VAC14: variants seen among roughly 807,000 people sequenced by gnomAD.
VAC14 encodes VAC14 component of PIKFYVE complex.
VAC14 carries 47 observed loss-of-function variants against 85.3 expected under a neutral mutation model. The observed-to-expected ratio is 0.55, with a 90% CI of 0.44 to 0.70. The LOEUF (loss-of-function observed/expected upper bound fraction) is 0.70. Among genes scored for constraint, VAC14 ranks in the 30% least tolerant of loss-of-function variants. The pLI is 0.00. For synonymous variants in VAC14, 447 were observed against 430.5 expected (o/e 1.04, Z -0.47); for missense variants, 861 against 1,004.3 (o/e 0.86, Z 1.93).
intron 14 of VAC14, among the ~76,000 whole-genome samples, chr16:70,704,904 A>C (rs960623350): frequency 1.3e-5 from 2 of 152,206 alleles, no homozygotes; most frequent in Admixed American, 6.5e-5. Flanking sequence ...GGACTCTGCC[A>C]TGTGGCTTCA....
At chr16:70,729,939 T>C (rs1226545041) in intron 14 of VAC14, among the ~76,000 whole-genome samples, 2 of 151,998 alleles carry the variant, frequency 1.3e-5, no homozygotes, top group Non-Finnish European at 2.9e-5. Context: ...TACCTTCTTT[T>C]TGATGCCCCC....
At position 70,801,139 on chromosome 16, in the gene VAC14, G is replaced by A. The variant is rs528100912; in HGVS notation, c.-239C>T. ...CGGCACTAGCGGGACTCACGAGACA[G>A]CGGCCATGTTACTCGAGTCACATGA... On this transcript the variant is annotated 5_prime_UTR_variant, in exon 1 of 19. Coordinates refer to ENST00000261776, the MANE Select transcript of VAC14 (RefSeq NM_018052.5). 1.9e-5 allele frequency: 8 copies of A among 422,448 alleles called. No individual in the cohort carries two copies. The highest frequency in any genetic ancestry group is 3.3e-5 in the Non-Finnish European group (8 of 240,110). The allele number at this position is 422,448 out of a possible 1,614,324, so 26.2% of individuals were successfully genotyped here.
At chr16:70,768,262 TG>T (rs2032962824) in intron 10 of VAC14, 1 of 156,200 alleles carries the variant, frequency 6.4e-6, no homozygotes, top group Non-Finnish European at 1.4e-5. Context: ...AGTTTAAAGA[TG>T]AGGAAACTGA....
At chr16:70,797,059 T>A (rs2034576313) in intron 1 of VAC14, among the ~76,000 whole-genome samples, 1 of 152,006 alleles carries the variant, frequency 6.6e-6, no homozygotes, top group South Asian at 2.1e-4. Flanking sequence ...GAGACCCCCA[T>A]CTCTATAAAA....
chr16:70,793,244 G>A (rs1221450132), intron 1 of VAC14, among the ~76,000 whole-genome samples: 2 of 152,194 alleles, frequency 1.3e-5, no homozygotes, highest in African/African-American at 2.4e-5. Flanking sequence ...AGGCTCTAGC[G>A]CTGGTCTTCT....
At chr16:70,747,132 C>T (rs1341218071) in intron 12 of VAC14, 1 of 152,084 alleles carries the variant, frequency 6.6e-6, no homozygotes, top group East Asian at 1.9e-4. Flanking sequence ...ACATCCACAC[C>T]AGGGAATATT....
chr16:70,740,726 C>T (rs1334579550), intron 13 of VAC14, among the ~76,000 whole-genome samples: 1 of 152,232 alleles, frequency 6.6e-6, no homozygotes, highest in Non-Finnish European at 1.5e-5. Context: ...GCCCAGGCTG[C>T]TCCCCATCCT....
In VAC14 at chr16:70,762,153, G is replaced by A. The variant is rs1012073824; in HGVS notation, c.1371+387C>T. ...GACAGGGTCTCACTCTGTCGCCCAAGCTGGAGTGCAGTGGCACGATCTCTG... is the reference window on the plus strand; with the variant it reads ...GACAGGGTCTCACTCTGTCGCCCAAACTGGAGTGCAGTGGCACGATCTCTG... On this transcript the variant is annotated intron_variant, in intron 12 of 18. Coordinates refer to ENST00000261776, the MANE Select transcript of VAC14 (RefSeq NM_018052.5). This position sits in a 1 kb window ranked among gnomAD's most constrained non-coding sequence, Gnocchi z 4.1. Among the ~76,000 whole-genome samples, 10 of 151,962 alleles carry A rather than the reference G, an allele frequency of 6.6e-5. No individual in the cohort carries two copies. The highest frequency in any genetic ancestry group is 2.2e-4 in the African/African-American group (9 of 41,350).
In VAC14 at chr16:70,782,990, C is replaced by T. The variant is rs1875941; in HGVS notation, c.811+43G>A. 0.82 allele frequency: 1,278,072 copies of T among 1,561,778 alleles called. 524,610 individuals carry two copies. Among genetic ancestry groups the T allele is most frequent in the Admixed American group, 0.92 (53,508 of 58,414 alleles). The stretch of plus-strand genomic sequence containing the variant: ...GCTTCTGCAGAGGTGGCAGTGGCAG[C>T]AGCAGTGGCAGCCGTGGCTGTGGGC... On this transcript the variant is annotated intron_variant, in intron 7 of 18. Transcript: ENST00000261776.
At chr16:70,756,519 A>G (rs890280616) in intron 12 of VAC14, among the ~76,000 whole-genome samples, 18 of 152,238 alleles carry the variant, frequency 1.2e-4, no homozygotes, top group African/African-American at 4.3e-4. Flanking sequence ...CCCAGCGCCT[A>G]CCCTGCTGGT....
At position 70,780,852 on chromosome 16, in the gene VAC14, C is replaced by T. The variant is rs1436446885; in HGVS notation, c.1034G>A (p.Gly345Glu). ...EDDELDELRP[G>E]QRQAEPTPDD... ...AGGGGTGGGCTCTGCCTGCCTCTGCCCAGGTCTCAGCTCATCCAGCTCGTC... is the reference window on the plus strand; with the variant it reads ...AGGGGTGGGCTCTGCCTGCCTCTGCTCAGGTCTCAGCTCATCCAGCTCGTC... The change falls in exon 9 of 19, where the codon GGG becomes GAG. Residue 345 changes from glycine (G) to glutamate (E), a missense_variant. Physicochemically the swap from Gly to Glu is moderately conservative, Grantham distance 98 (BLOSUM62 -2). Transcript: ENST00000261776. The T allele has an allele frequency of 1.2e-6, 2 of 1,614,068 alleles. No individual in the cohort carries two copies. Among genetic ancestry groups the T allele is most frequent in the Non-Finnish European group, 1.7e-6 (2 of 1,179,986 alleles).
At chr16:70,743,335 CG>C (rs1211697673) in intron 13 of VAC14, among the ~76,000 whole-genome samples, 3 of 152,222 alleles carry the variant, frequency 2.0e-5, no homozygotes, top group Admixed American at 1.3e-4. Flanking sequence ...AGGACGTGAG[CG>C]GGACCAAAAA....
intron 16 of VAC14, 37 bp downstream of exon 16, chr16:70,697,102 A>G (rs1286607161): frequency 1.9e-6 from 3 of 1,575,240 alleles, no homozygotes; most frequent in Non-Finnish European, 2.6e-6. Flanking sequence ...CCTGCCCCTC[A>G]GAGGCTCAAC....
At chr16:70,778,368 A>G (rs1333066147) in intron 9 of VAC14, 2 of 151,944 alleles carry the variant, frequency 1.3e-5, no homozygotes, top group African/African-American at 2.4e-5. Context: ...CTTGCCACAT[A>G]AGCAGAAAGG....
intron 9 of VAC14, among the ~76,000 whole-genome samples, chr16:70,777,492 C>T (rs28696695): frequency 0.018 from 2,744 of 152,310 alleles, 85 homozygotes; most frequent in African/African-American, 0.062. Flanking sequence ...ATCTCTGCTG[C>T]CATTCCTGAG....
Position 70,800,754 on chromosome 16 carries a change from G to T in VAC14, c.104+43C>A, listed in dbSNP as rs200561676. The T allele has an allele frequency of 2.3e-5, 35 of 1,554,682 alleles. No individual in the cohort carries two copies. In the East Asian group the frequency reaches 7.8e-4, roughly 35 times the overall value. On this transcript the variant is annotated intron_variant, in intron 1 of 18. Coordinates refer to ENST00000261776, the MANE Select transcript of VAC14 (RefSeq NM_018052.5). ...AGAAGTCCCCCTGGGGAGCAGAGCA[G>T]TCAGGGGCTGCATAGCCAGGGAGGG...
chr16:70,735,855 C>T (rs2054733920), intron 13 of VAC14, among the ~76,000 whole-genome samples: 1 of 152,274 alleles, frequency 6.6e-6, no homozygotes, highest in South Asian at 2.1e-4. Flanking sequence ...AGAGTCTCTG[C>T]TCCCTGGCCC....
At chr16:70,760,962 G>A (rs1033076257) in intron 12 of VAC14, among the ~76,000 whole-genome samples, 2 of 47,602 alleles carry the variant, frequency 4.2e-5, no homozygotes, top group African/African-American at 1.7e-4. Context: ...ACGAAGAGAG[G>A]GTGTGTGTGT....
In VAC14 at chr16:70,735,362, T is replaced by C. The variant is rs7190561; in HGVS notation, c.1529-3735A>G. 3.7e-5 allele frequency among the ~76,000 whole-genome samples: 4 copies of C among 107,298 alleles called. No homozygotes were observed. The East Asian group carries it at 8.8e-4, about 24-fold the overall frequency. 70.4% of individuals were successfully genotyped at this position (107,298 alleles called of 152,430 possible). Reference sequence around the variant, plus strand: ...AAACTTGGCCAGAAGCATCAGATGTTCCCAGAAGCATCAGCCCAAAGCACA... The same window carrying C: ...AAACTTGGCCAGAAGCATCAGATGTCCCCAGAAGCATCAGCCCAAAGCACA... On this transcript the variant is annotated intron_variant, in intron 13 of 18. Transcript: ENST00000261776.
Sources: gnomAD v4.1 joint callset for allele counts (sites outside exome capture counted in the v4.1 genomes callset) on GRCh38, gnomAD v4.1.1 for gene constraint, Gnocchi (gnomAD v3.1) non-coding constraint, MANE v1.5 for transcripts, NCBI Gene and HGNC (gene_info 2026-07-23, HGNC 2026-07-21) for gene names.